TPH2: variants seen among roughly 807,000 people sequenced by gnomAD.
TPH2 encodes the protein tryptophan hydroxylase 2, also known as tryptophan 5-hydroxylase 2.
TPH2 carries 27 observed loss-of-function variants against 59.1 expected under a neutral mutation model. The ratio of observed to expected loss-of-function variants is 0.46; its 90% CI spans 0.34 to 0.63. The LOEUF (loss-of-function observed/expected upper bound fraction) is 0.63. TPH2 is among the 30% of genes least tolerant of loss of function. The pLI, the probability that TPH2 is intolerant of heterozygous loss-of-function variation, is 0.01. For synonymous variants in TPH2, 220 were observed against 210.5 expected, an observed-to-expected ratio of 1.05 and a Z score of -0.39; for missense variants, 523 against 588.3, an observed-to-expected ratio of 0.89 and a Z score of 1.15.
At chr12:71,967,906 A>G (rs1871861841) in intron 5 of TPH2, among the ~76,000 whole-genome samples, 1 of 152,154 alleles carries the variant, frequency 6.6e-6, no homozygotes, top group Non-Finnish European at 1.5e-5. Flanking sequence ...ACTTGATTCA[A>G]AGTGTATCCT....
intron 8 of TPH2, among the ~76,000 whole-genome samples, chr12:71,995,967 C>T (rs1000291433): frequency 2.0e-5 from 3 of 152,166 alleles, no homozygotes; most frequent in East Asian, 1.9e-4. Flanking sequence ...CTATCCATCA[C>T]GATATAATAA....
chr12:71,997,564 G>A (rs1017381021), intron 8 of TPH2, among the ~76,000 whole-genome samples: 1 of 152,120 alleles, frequency 6.6e-6, no homozygotes, highest in African/African-American at 2.4e-5. Context: ...TGGGTTGCTT[G>A]AGCTCCAACA....
chr12:71,960,342 T>C (rs1208628234), intron 5 of TPH2, among the ~76,000 whole-genome samples: 1 of 152,218 alleles, frequency 6.6e-6, no homozygotes, highest in Non-Finnish European at 1.5e-5. Context: ...ACACACAGGT[T>C]GAAAACAAGA....
chr12:71,940,616 T>A (rs913818529), intron 1 of TPH2, among the ~76,000 whole-genome samples: 5 of 152,184 alleles, frequency 3.3e-5, no homozygotes, highest in Non-Finnish European at 7.4e-5. Flanking sequence ...ACAGACCACA[T>A]AATTTTGCAT....
chr12:71,953,039 A>G (rs1871393666), intron 5 of TPH2, among the ~76,000 whole-genome samples: 1 of 152,096 alleles, frequency 6.6e-6, no homozygotes, highest in South Asian at 2.1e-4. Flanking sequence ...CTTGGAAGAA[A>G]CTGTTTAGTT....
intron 8 of TPH2, among the ~76,000 whole-genome samples, chr12:72,014,782 A>G (rs974038649): frequency 1.3e-5 from 2 of 152,168 alleles, no homozygotes; most frequent in Non-Finnish European, 1.5e-5. Flanking sequence ...TTTATGTGTG[A>G]TTCTTAGGAG....
At position 71,968,611 on chromosome 12, in the gene TPH2, A is replaced by G. The variant is rs79241056; in HGVS notation, c.609-3908A>G. Among the ~76,000 whole-genome samples, 1,354 of 152,312 alleles carry G rather than the reference A, an allele frequency of 8.9e-3. 25 individuals are homozygous for G. The highest frequency in any genetic ancestry group is 0.031 in the African/African-American group (1,289 of 41,566). On this transcript the variant is annotated intron_variant, in intron 5 of 10. Coordinates refer to ENST00000333850, the MANE Select transcript of TPH2 (RefSeq NM_173353.4). ...CAGTAAGGGTCCGGTTGGGAAAGAA[A>G]GTGCCCTACTCCACTTCTCGCAGGT...
chr12:72,006,424 A>G (rs896678354), intron 8 of TPH2, among the ~76,000 whole-genome samples: 2 of 152,074 alleles, frequency 1.3e-5, no homozygotes, highest in Non-Finnish European at 2.9e-5. Flanking sequence ...AGAGTTACTA[A>G]GAGGAAACCT....
chr12:72,031,795 C>A lies in TPH2; in HGVS notation c.*100C>A. 7.1e-7 allele frequency: 1 copy of A among 1,398,958 alleles called. No individual in the cohort carries two copies. Among genetic ancestry groups the A allele is most frequent in the Non-Finnish European group, 1.0e-6 (1 of 990,552 alleles). 86.7% of individuals were successfully genotyped at this position (1,398,958 alleles called of 1,614,324 possible). A position where few individuals can be genotyped will look rare whatever the true frequency, so the allele number is the denominator to read the frequency against. On this transcript the variant is annotated 3_prime_UTR_variant, in exon 11 of 11. Transcript: ENST00000333850. The stretch of plus-strand genomic sequence containing the variant: ...AATAACCTTCTGTGTCATGGCTTGG[C>A]TAATAAGCATGCAATTCCATATATC...
rs375168296 is a variant in TPH2, at chr12:72,031,529, C to G, written c.1307C>G (p.Ala436Gly). 1 of 1,613,500 alleles carries G rather than the reference C, an allele frequency of 6.2e-7. No homozygotes were observed. Among genetic ancestry groups the G allele is most frequent in the Non-Finnish European group, 8.5e-7 (1 of 1,179,624 alleles). ...TTCTGTTTATTCTGCAGGGACTTTG[C>G]AAAGTCAATTACCCGTCCCTTCTCA... ...EEAKEKMRDF[A>G]KSITRPFSVY... The change falls in exon 11 of 11, where the codon GCA (alanine) becomes GGA (glycine). Residue 436 changes from alanine (A) to glycine (G), a missense_variant. Ala to Gly is a moderately conservative substitution (Grantham distance 60). Transcript: ENST00000333850.
intron 5 of TPH2, chr12:71,962,000 T>C (rs2139195460): frequency 3.9e-6 from 4 of 1,029,458 alleles, no homozygotes; most frequent in Non-Finnish European, 4.7e-6. Flanking sequence ...AATTCATGTG[T>C]GCAAAACTCA....
chr12:72,014,105 G>A (rs989414248), intron 8 of TPH2, among the ~76,000 whole-genome samples: 8 of 152,164 alleles, frequency 5.3e-5, no homozygotes, highest in Admixed American at 3.3e-4. Flanking sequence ...TCCCAAATCT[G>A]TGAATGCTTG....
rs117592154 is a variant in TPH2, at chr12:71,966,542, C to T, written c.609-5977C>T. 1.4e-4 allele frequency among the ~76,000 whole-genome samples: 21 copies of T among 152,274 alleles called. 1 individual carries two copies. The East Asian group carries it at 3.7e-3, about 27-fold the overall frequency. ...GATGAGAGGGACAGTCTATTCCAGG[C>T]AGATAAACATCTCTTGAATAAGTGA... On this transcript the variant is annotated intron_variant, in intron 5 of 10. Coordinates refer to ENST00000333850, the MANE Select transcript of TPH2 (RefSeq NM_173353.4).
chr12:71,985,394 G>T (rs1296830224), intron 7 of TPH2, among the ~76,000 whole-genome samples: 2 of 151,880 alleles, frequency 1.3e-5, no homozygotes, highest in African/African-American at 4.8e-5. Context: ...ATTTGAAAAG[G>T]CTACTTTCTT....
In TPH2 at chr12:71,972,605, C is replaced by T. The variant is rs749155035; in HGVS notation, c.695C>T (p.Pro232Leu). Residue 232 changes from proline to leucine, a missense_variant, in exon 6 of 11, where the codon CCC becomes CTC. Physicochemically the swap from Pro to Leu is moderately conservative, Grantham distance 98. Coordinates refer to ENST00000333850, the MANE Select transcript of TPH2 (RefSeq NM_173353.4). ...VVFRELSKLY[P>L]THACREYLKN... ...TTCCGGGAGCTCTCCAAACTCTATC[C>T]CACTCATGCTTGCCGAGAGTATTTG... The T allele has an allele frequency of 1.9e-6, 3 of 1,613,960 alleles. No homozygotes were observed. Among genetic ancestry groups the T allele is most frequent in the African/African-American group, 2.7e-5 (2 of 74,874 alleles).
intron 6 of TPH2, among the ~76,000 whole-genome samples, chr12:71,975,975 C>T (rs1389998621): frequency 6.6e-6 from 1 of 152,206 alleles, no homozygotes; most frequent in African/African-American, 2.4e-5. Flanking sequence ...TAGAATATCA[C>T]CTCATAAATA....
chr12:71,949,887 T>TTG (rs56299875), intron 5 of TPH2, among the ~76,000 whole-genome samples: 3,260 of 152,248 alleles, frequency 0.021, 100 homozygotes, highest in African/African-American at 0.069. Flanking sequence ...GTTTACACCA[T>TTG]TGTTTCCAGC....
chr12:71,978,349 T>C (rs916817100), intron 6 of TPH2, among the ~76,000 whole-genome samples: 2 of 152,224 alleles, frequency 1.3e-5, no homozygotes, highest in African/African-American at 4.8e-5. Flanking sequence ...GGCAGGTTTA[T>C]AGACTTTATT....
chr12:72,029,844 ACTT>A (rs1448197658), intron 9 of TPH2, among the ~76,000 whole-genome samples: 1 of 152,180 alleles, frequency 6.6e-6, no homozygotes, highest in African/African-American at 2.4e-5. Flanking sequence ...GGAACCACAG[ACTT>A]CTTCATGGAG....
Sources: allele counts gnomAD v4.1 joint callset (sites outside exome capture counted in the v4.1 genomes callset), GRCh38; gene constraint gnomAD v4.1.1; transcripts MANE v1.5; gene names NCBI Gene and HGNC (gene_info 2026-07-23, HGNC 2026-07-21).